AASDH: variants seen among roughly 807,000 people sequenced by gnomAD.
AASDH encodes aminoadipate-semialdehyde dehydrogenase, also known as beta-alanine-activating enzyme.
A neutral mutation model predicts 102.3 loss-of-function variants in AASDH; 81 were observed. That is an observed-to-expected ratio of 0.79 (90% confidence interval 0.66 to 0.95). The LOEUF (loss-of-function observed/expected upper bound fraction) is 0.95, where lower values mean the gene tolerates loss of function less well. Among genes scored for constraint, AASDH ranks in the 40% least tolerant of loss-of-function variants. The pLI, the probability that AASDH is intolerant of heterozygous loss-of-function variation, is 0.00. For missense variants in AASDH, 1,203 were observed against 1,266.2 expected (o/e 0.95, Z 0.76); for synonymous variants, 398 against 454.0 (o/e 0.88, Z 1.57).
At chr4:56,339,265 C>T (rs1267485339) in intron 14 of AASDH, among the ~76,000 whole-genome samples, 1 of 151,872 alleles carries the variant, frequency 6.6e-6, no homozygotes, top group Non-Finnish European at 1.5e-5. Flanking sequence ...GCGCTTCTCC[C>T]GCCTCAGCCT....
At chr4:56,350,347 C>T (rs527975832) in intron 10 of AASDH, among the ~76,000 whole-genome samples, 4 of 152,024 alleles carry the variant, frequency 2.6e-5, no homozygotes, top group South Asian at 2.1e-4. Flanking sequence ...CTCAGCTACT[C>T]GGAGGCTGAG....
intron 5 of AASDH, 33 bp from the exon 6 acceptor site, chr4:56,355,456 T>C: frequency 6.3e-7 from 1 of 1,577,254 alleles, no homozygotes; most frequent in Non-Finnish European, 8.6e-7. Flanking sequence ...TTATTTATTT[T>C]CCTTCACTTC....
intron 5 of AASDH, among the ~76,000 whole-genome samples, chr4:56,367,009 C>G (rs1339942959): frequency 2.0e-5 from 3 of 152,058 alleles, no homozygotes; most frequent in Non-Finnish European, 4.4e-5. Flanking sequence ...AGCTGATAAG[C>G]AACTTCAGCA....
chr4:56,371,476 G>A lies in AASDH; in HGVS notation c.836C>T (p.Ser279Phe). 1 of 1,612,360 alleles carries A rather than the reference G, an allele frequency of 6.2e-7. No homozygotes were observed. The highest frequency in any genetic ancestry group is 1.1e-5 in the South Asian group (1 of 90,428). ...CTGCAAAACAGTCACTCTATGATGGGAAAAGAGAACGCTGGCTAATTTTGA... is the reference window on the plus strand; with the variant it reads ...CTGCAAAACAGTCACTCTATGATGGAAAAAGAGAACGCTGGCTAATTTTGA... ...LPSKLASVLF[S>F]HHRVTVLQAT... Residue 279 changes from serine to phenylalanine, a missense_variant, in exon 5 of 15, where the codon TCC (serine) becomes TTC (phenylalanine). Ser to Phe is a radical substitution (Grantham distance 155). Transcript: ENST00000205214.
intron 1 of AASDH, among the ~76,000 whole-genome samples, chr4:56,386,332 C>A (rs80191376): frequency 6.6e-4 from 100 of 152,218 alleles, no homozygotes; most frequent in African/African-American, 2.4e-3. Flanking sequence ...CACATCTATA[C>A]GATAATTAAG....
intron 14 of AASDH, among the ~76,000 whole-genome samples, chr4:56,340,532 TG>T (rs1424777233): frequency 5.9e-4 from 89 of 152,130 alleles, no homozygotes; most frequent in Non-Finnish European, 1.8e-4. Flanking sequence ...AAACTCGAGA[TG>T]GATTAAAGAC....
chr4:56,349,005 C>G, intron 11 of AASDH: 1 of 494,690 alleles, frequency 2.0e-6, no homozygotes. Context: ...CCATTTTACC[C>G]ACAAGGAAAG....
chr4:56,339,839 G>C (rs1172625477), intron 14 of AASDH, among the ~76,000 whole-genome samples: 1 of 150,996 alleles, frequency 6.6e-6, no homozygotes, highest in Non-Finnish European at 1.5e-5. Flanking sequence ...AAAGTTAATT[G>C]TGCTGAAAGG....
intron 1 of AASDH, among the ~76,000 whole-genome samples, chr4:56,385,805 T>C (rs1368463987): frequency 2.0e-5 from 3 of 152,172 alleles, no homozygotes; most frequent in Non-Finnish European, 4.4e-5. Flanking sequence ...ACACAGGGTT[T>C]CTCCATGTTG....
intron 5 of AASDH, among the ~76,000 whole-genome samples, chr4:56,359,833 A>G (rs2109920430): frequency 1.4e-5 from 2 of 144,782 alleles, no homozygotes; most frequent in South Asian, 4.5e-4. Flanking sequence ...CTAGGATTAC[A>G]GGTGTGAGCC....
chr4:56,363,609 C>G (rs550260548), intron 5 of AASDH, among the ~76,000 whole-genome samples: 2 of 152,210 alleles, frequency 1.3e-5, no homozygotes, highest in Non-Finnish European at 2.9e-5. Context: ...CCCAGGCAAA[C>G]AGGGTCTGGA....
At chr4:56,368,233 G>A (rs1318836230) in intron 5 of AASDH, among the ~76,000 whole-genome samples, 3 of 152,184 alleles carry the variant, frequency 2.0e-5, no homozygotes, top group Non-Finnish European at 4.4e-5. Context: ...GTGCTGGAGA[G>A]GATGTGGAGA....
chr4:56,358,229 A>G (rs191726679), intron 5 of AASDH, among the ~76,000 whole-genome samples: 2 of 152,004 alleles, frequency 1.3e-5, no homozygotes, highest in Admixed American at 1.3e-4. Context: ...TATTATTTCT[A>G]GTAGTCCTCC....
At chr4:56,351,288 A>T in intron 10 of AASDH, 54 bp downstream of exon 10, 1 of 1,158,358 alleles carries the variant, frequency 8.6e-7, no homozygotes, top group Non-Finnish European at 1.3e-6. Flanking sequence ...AGCAGTCCCT[A>T]AAGATATAAA....
intron 10 of AASDH, 76 bp from the exon 11 acceptor site, chr4:56,350,134 A>G: frequency 8.2e-7 from 1 of 1,212,944 alleles, no homozygotes; most frequent in Non-Finnish European, 1.1e-6. Flanking sequence ...CAGGTAATAT[A>G]TAGAGATGAG....
At chr4:56,340,373 G>A (rs1305518005) in intron 14 of AASDH, among the ~76,000 whole-genome samples, 1 of 152,132 alleles carries the variant, frequency 6.6e-6, no homozygotes, top group African/African-American at 2.4e-5. Context: ...AATCCACGTA[G>A]TTACAGCCAA....
At position 56,343,649 on chromosome 4, in the gene AASDH, T is replaced by G; in HGVS notation, c.2688A>C (p.Gly896=). ...KKCVWKSKCG[G]TVFSSPCLNL... ...TCAAACACGGAGAGGAAAAGACAGT[T>G]CCTCCACATTTTGACTTCCAAACAC... is the stretch of plus-strand genomic sequence containing the variant. Residue 896 remains glycine (G), a synonymous_variant, in exon 13 of 15, where the codon GGA becomes GGC. Coordinates refer to ENST00000205214, the MANE Select transcript of AASDH (RefSeq NM_181806.4). 1 of 1,610,204 alleles carries G rather than the reference T, an allele frequency of 6.2e-7. No homozygotes were observed. The highest frequency in any genetic ancestry group is 8.5e-7 in the Non-Finnish European group (1 of 1,178,114).
intron 5 of AASDH, among the ~76,000 whole-genome samples, chr4:56,362,192 G>A (rs1015602099): frequency 2.0e-5 from 3 of 152,028 alleles, no homozygotes; most frequent in Non-Finnish European, 2.9e-5. Flanking sequence ...TCCCCCCACA[G>A]TAACTCAAGA....
At chr4:56,355,593 GTTTTT>G (rs149149581) in intron 5 of AASDH, among the ~76,000 whole-genome samples, 170 bp from the exon 6 acceptor site, 1 of 91,912 alleles carries the variant, frequency 1.1e-5, no homozygotes, top group African/African-American at 4.2e-5. Flanking sequence ...TTATCTTCTT[GTTTTT>G]TTTTTTTTTT....
Sources: gnomAD v4.1 joint callset for allele counts (sites outside exome capture counted in the v4.1 genomes callset) on GRCh38, gnomAD v4.1.1 for gene constraint, MANE v1.5 for transcripts, NCBI Gene and HGNC (gene_info 2026-07-23, HGNC 2026-07-21) for gene names.